SEMA5A: variants seen among roughly 807,000 people sequenced by gnomAD.
SEMA5A encodes semaphorin-5A.
In SEMA5A, 55 loss-of-function variants were observed where a neutral mutation model predicts 135.5. That is an observed-to-expected ratio of 0.41 (90% confidence interval 0.33 to 0.51). The LOEUF (loss-of-function observed/expected upper bound fraction) is 0.51, where lower values mean the gene tolerates loss of function less well. Ranked by LOEUF, SEMA5A falls within the 20% of genes least tolerant of loss-of-function variation. SEMA5A has a pLI of 0.37. For missense variants in SEMA5A, 1,290 were observed against 1,419.9 expected, an observed-to-expected ratio of 0.91 and a Z score of 1.47; for synonymous variants, 580 against 546.5, an observed-to-expected ratio of 1.06 and a Z score of -0.85.
At chr5:9,522,399 A>G (rs1303601383) in intron 1 of SEMA5A, among the ~76,000 whole-genome samples, 2 of 152,074 alleles carry the variant, frequency 1.3e-5, no homozygotes, top group Admixed American at 1.3e-4. Flanking sequence ...CCTGGCCAAC[A>G]TGGTGAAACC....
chr5:9,064,124 A>G (rs534276714), intron 17 of SEMA5A, among the ~76,000 whole-genome samples: 2 of 152,202 alleles, frequency 1.3e-5, no homozygotes, highest in Non-Finnish European at 2.9e-5. Flanking sequence ...GGATGGCAGC[A>G]TACTCTTCAG....
chr5:9,339,061 G>C (rs1468784803), intron 3 of SEMA5A, among the ~76,000 whole-genome samples: 1 of 152,000 alleles, frequency 6.6e-6, no homozygotes, highest in Non-Finnish European at 1.5e-5. Context: ...TTTTTTTAAG[G>C]ATTTTCATAT....
At chr5:9,178,666 T>G (rs552057490) in intron 11 of SEMA5A, among the ~76,000 whole-genome samples, 1 of 152,162 alleles carries the variant, frequency 6.6e-6, no homozygotes, top group Non-Finnish European at 1.5e-5. Context: ...GTATTCTGTA[T>G]AGATAATAGT....
intron 10 of SEMA5A, among the ~76,000 whole-genome samples, chr5:9,193,571 C>G (rs1209806159): frequency 2.0e-5 from 3 of 152,136 alleles, no homozygotes; most frequent in African/African-American, 7.2e-5. Flanking sequence ...TTTAATGGTC[C>G]CTTTGTTCAC....
intron 1 of SEMA5A, among the ~76,000 whole-genome samples, chr5:9,451,471 A>G (rs1346163381): frequency 6.6e-6 from 1 of 152,186 alleles, no homozygotes; most frequent in Non-Finnish European, 1.5e-5. Flanking sequence ...ATTCACTGAC[A>G]ATCTCATAAG....
At chr5:9,359,642 T>G (rs1436669549) in intron 3 of SEMA5A, among the ~76,000 whole-genome samples, 3 of 152,246 alleles carry the variant, frequency 2.0e-5, no homozygotes, top group Non-Finnish European at 1.5e-5. Context: ...CAGCTGATTT[T>G]GCTGGTTTTT....
chr5:9,352,346 C>T (rs936726831), intron 3 of SEMA5A, among the ~76,000 whole-genome samples: 1 of 143,932 alleles, frequency 6.9e-6, no homozygotes, highest in African/African-American at 2.9e-5. Flanking sequence ...ATCCATCTAT[C>T]TAGCTATCTA....
chr5:9,192,582 G>C (rs76000975), intron 10 of SEMA5A, among the ~76,000 whole-genome samples: 32,249 of 152,086 alleles, frequency 0.21, 4,596 homozygotes, highest in East Asian at 0.4. Flanking sequence ...GTAATTGGGG[G>C]GGGGAGGGGA....
In SEMA5A at chr5:9,460,338, TACGTAGAACAAA is replaced by T. The variant is rs575174752; in HGVS notation, c.-174-22498_-174-22487del. On this transcript the variant is annotated intron_variant, in intron 1 of 22. Transcript: ENST00000382496. ...TTGTCATAAATATAGACTTTAAAAA[TACGTAGAACAAA>T]ACAGTTTTAACAAAACAGAAAATAT... Among the ~76,000 whole-genome samples the T allele has an allele frequency of 3.2e-3, 493 of 152,166 alleles. 2 individuals are homozygous for T. The South Asian group carries it at 0.042, about 13-fold the overall frequency.
intron 2 of SEMA5A, among the ~76,000 whole-genome samples, chr5:9,392,252 G>A (rs543896641): frequency 6.6e-6 from 1 of 152,090 alleles, no homozygotes; most frequent in South Asian, 2.1e-4. Context: ...ACTTAAAATT[G>A]CTTGACTGAT....
intron 2 of SEMA5A, among the ~76,000 whole-genome samples, chr5:9,414,296 G>A (rs1169591865): frequency 6.6e-6 from 1 of 152,128 alleles, no homozygotes; most frequent in African/African-American, 2.4e-5. Context: ...TTAAGATCTA[G>A]CGATTCAACT....
chr5:9,510,637 C>T (rs538001797), intron 1 of SEMA5A, among the ~76,000 whole-genome samples: 42 of 152,228 alleles, frequency 2.8e-4, no homozygotes, highest in Non-Finnish European at 4.3e-4. Flanking sequence ...ATTCCATTTA[C>T]AGCTAATAGT....
At chr5:9,510,198 C>T (rs560177195) in intron 1 of SEMA5A, among the ~76,000 whole-genome samples, 85 of 152,340 alleles carry the variant, frequency 5.6e-4, no homozygotes, top group African/African-American at 2.0e-3. Flanking sequence ...CCTATTCACT[C>T]ATTCAATCTT....
intron 3 of SEMA5A, among the ~76,000 whole-genome samples, chr5:9,357,246 T>C (rs956675141): frequency 2.0e-5 from 3 of 152,170 alleles, no homozygotes; most frequent in African/African-American, 7.2e-5. Flanking sequence ...ACAGAGATTT[T>C]AGAACTCCTT....
chr5:9,280,432 G>A (rs916304797), intron 5 of SEMA5A, among the ~76,000 whole-genome samples: 1 of 152,268 alleles, frequency 6.6e-6, no homozygotes, highest in Non-Finnish European at 1.5e-5. Context: ...CTGGACACAG[G>A]ACTTGGCCCA....
At chr5:9,392,829 G>A (rs1756222201) in intron 2 of SEMA5A, among the ~76,000 whole-genome samples, 1 of 152,162 alleles carries the variant, frequency 6.6e-6, no homozygotes. Context: ...TCACTATGAA[G>A]GCCAAGATAC....
chr5:9,231,587 G>A (rs537726292), intron 6 of SEMA5A, among the ~76,000 whole-genome samples: 16 of 151,572 alleles, frequency 1.1e-4, no homozygotes, highest in East Asian at 5.8e-4. Flanking sequence ...CACTGGCAAC[G>A]CACTTTGCCA....
At chr5:9,271,952 C>A (rs914823512) in intron 5 of SEMA5A, among the ~76,000 whole-genome samples, 1 of 152,126 alleles carries the variant, frequency 6.6e-6, no homozygotes, top group East Asian at 1.9e-4. Flanking sequence ...GAGCAGATAC[C>A]AAGCTAGCCA....
At chr5:9,087,702 A>T (rs56399111) in intron 16 of SEMA5A, among the ~76,000 whole-genome samples, 4,787 of 152,192 alleles carry the variant, frequency 0.031, 123 homozygotes, top group Non-Finnish European at 0.048. Context: ...CTTATATGCC[A>T]GTTCATATAT....
Sources: gnomAD v4.1 joint callset for allele counts (sites outside exome capture counted in the v4.1 genomes callset) on GRCh38, gnomAD v4.1.1 for gene constraint, MANE v1.5 for transcripts, NCBI Gene and HGNC (gene_info 2026-07-23, HGNC 2026-07-21) for gene names.